Variants in CLASRP observed in about 807,000 individuals in gnomAD.
CLASRP encodes the protein CLK4 associating serine/arginine rich protein.
A neutral mutation model predicts 99.9 loss-of-function variants in CLASRP; 52 were observed. The ratio of observed to expected loss-of-function variants is 0.52; its 90% confidence interval spans 0.42 to 0.66. The LOEUF is 0.66. CLASRP is among the 30% of genes least tolerant of loss of function. CLASRP has a pLI of 0.00. For missense variants in CLASRP, 848 were observed against 999.2 expected, an observed-to-expected ratio of 0.85 and a Z score of 2.04; for synonymous variants, 379 against 373.0, an observed-to-expected ratio of 1.02 and a Z score of -0.18.
In CLASRP at chr19:45,067,483, G is replaced by A; in HGVS notation, c.1556G>A (p.Ser519Asn). ...AGCCGCAGCCATAGCCCCAGCCCCAGCCAGAGCCGCAGCCGCAGCCGCAGC... is the reference window on the plus strand; with the variant it reads ...AGCCGCAGCCATAGCCCCAGCCCCAACCAGAGCCGCAGCCGCAGCCGCAGC... The part of the protein sequence containing the change: ...TRSRSHSPSP[S>N]QSRSRSRSRS... Residue 519 changes from serine to asparagine, a missense_variant, in exon 14 of 21, where the codon AGC becomes AAC. Around this residue, in one of 8 missense-constraint regions of CLASRP, gnomAD observed 489 missense variants for 434.7 expected, o/e 1.12. Transcript: ENST00000221455. This position sits in a 1 kb window ranked among gnomAD's most constrained non-coding sequence, Gnocchi z 4.9. 6.4e-7 allele frequency: 1 copy of A among 1,569,648 alleles called. No homozygotes were observed. Among genetic ancestry groups the A allele is most frequent in the Non-Finnish European group, 8.6e-7 (1 of 1,163,076 alleles).
Position 45,052,790 on chromosome 19 carries a change from G to T in CLASRP, c.198-1G>T. On this transcript the variant is annotated splice_acceptor_variant, in intron 3 of 20. Coordinates refer to ENST00000221455, the MANE Select transcript of CLASRP (RefSeq NM_007056.3). LOFTEE classifies it high-confidence loss of function. ...GCTTTCTTGCTCCCCTCCCACTTCA[G>T]GATGCCCTGGCAGGGGGACACCAAC... is the stretch of plus-strand genomic sequence containing the variant. The T allele has an allele frequency of 6.2e-7, 1 of 1,610,338 alleles. No homozygotes were observed. The highest frequency in any genetic ancestry group is 8.5e-7 in the Non-Finnish European group (1 of 1,178,052).
chr19:45,060,150 C>T lies in CLASRP; in HGVS notation c.711-239C>T, dbSNP rs1419658879. The stretch of plus-strand genomic sequence containing the variant: ...TATTCCCTTGCTCATTATCTTCTCC[C>T]CTAGAATGTAAGCCCGTGCAGGTGA... On this transcript the variant is annotated intron_variant, in intron 8 of 20. Transcript: ENST00000221455. This position sits in a 1 kb window ranked among gnomAD's most constrained non-coding sequence, Gnocchi z 4.6. Among the ~76,000 whole-genome samples the T allele has an allele frequency of 6.6e-6, 1 of 152,140 alleles. No homozygotes were observed. The highest frequency in any genetic ancestry group is 1.9e-4 in the East Asian group (1 of 5,194).
chr19:45,063,436 C>CTTTTT lies in CLASRP; in HGVS notation c.906-553_906-549dup, dbSNP rs565600159. ...GTGTTTTGTACAGAGATCTGCTTAT[C>CTTTTT]TTTTTTTTTTTTTTTTTTTTTTTTT... On this transcript the variant is annotated intron_variant, in intron 11 of 20. Transcript: ENST00000221455. Among the ~76,000 whole-genome samples, 74 of 42,382 alleles carry CTTTTT rather than the reference C, an allele frequency of 1.7e-3. 18 individuals carry two copies. Among genetic ancestry groups the CTTTTT allele is most frequent in the East Asian group, 3.7e-3 (4 of 1,092 alleles). The allele number at this position is 42,382 out of a possible 152,430, so 27.8% of individuals were successfully genotyped here.
At chr19:45,053,473 T>A (rs1165477099) in intron 5 of CLASRP, among the ~76,000 whole-genome samples, 1 of 152,152 alleles carries the variant, frequency 6.6e-6, no homozygotes, top group Non-Finnish European at 1.5e-5. Context: ...AATATGTTTT[T>A]ATTTTTATTT....
At chr19:45,058,803 C>T (rs1972169861) in intron 7 of CLASRP, among the ~76,000 whole-genome samples, 1 of 152,004 alleles carries the variant, frequency 6.6e-6, no homozygotes, top group South Asian at 2.1e-4. Flanking sequence ...ACCCTGCCTG[C>T]CACCCACCGT....
chr19:45,058,876 C>T (rs1437584395), intron 7 of CLASRP, among the ~76,000 whole-genome samples: 2 of 151,938 alleles, frequency 1.3e-5, no homozygotes, highest in Non-Finnish European at 2.9e-5. Context: ...CCCCACCACA[C>T]GCCTCACTCA....
chr19:45,062,441 G>A (rs1332254460), intron 11 of CLASRP, among the ~76,000 whole-genome samples: 12 of 152,256 alleles, frequency 7.9e-5, no homozygotes, highest in Non-Finnish European at 1.6e-4. Context: ...GCAGTGGCAC[G>A]ATCTTGGCTC....
chr19:45,060,647 C>T lies in CLASRP; in HGVS notation c.863+20C>T, dbSNP rs1966919333. Reference sequence around the variant, plus strand: ...ACCCAGGTAGGGCTTCTCCCTGAACCCCCACCCTGCTGGCATCTGGGGGAG... The same window carrying T: ...ACCCAGGTAGGGCTTCTCCCTGAACTCCCACCCTGCTGGCATCTGGGGGAG... On this transcript the variant is annotated intron_variant, in intron 10 of 20. Coordinates refer to ENST00000221455, the MANE Select transcript of CLASRP (RefSeq NM_007056.3). The surrounding 1 kb of genome is among the most constrained non-coding windows in gnomAD (Gnocchi z 4.6). 1.3e-6 allele frequency: 2 copies of T among 1,549,844 alleles called. No homozygotes were observed. Among genetic ancestry groups the T allele is most frequent in the Non-Finnish European group, 1.7e-6 (2 of 1,144,352 alleles).
intron 2 of CLASRP, among the ~76,000 whole-genome samples, chr19:45,046,618 G>A (rs1246497321): frequency 2.0e-5 from 3 of 152,186 alleles, no homozygotes; most frequent in Admixed American, 1.3e-4. Flanking sequence ...CTCAGTTACT[G>A]CCATACCCTA....
chr19:45,042,369 G>T (rs900429751), intron 2 of CLASRP, among the ~76,000 whole-genome samples: 2 of 152,108 alleles, frequency 1.3e-5, no homozygotes, highest in South Asian at 2.1e-4. Context: ...CAGGGAAGAG[G>T]CTGGGGCAGT....
chr19:45,044,106 T>A (rs1299032258), intron 2 of CLASRP, among the ~76,000 whole-genome samples: 1 of 152,168 alleles, frequency 6.6e-6, no homozygotes, highest in African/African-American at 2.4e-5. Flanking sequence ...GGTCTCAAAC[T>A]CCTGACTGCA....
At chr19:45,041,024 C>T (rs960317385) in intron 2 of CLASRP, among the ~76,000 whole-genome samples, 1 of 151,818 alleles carries the variant, frequency 6.6e-6, no homozygotes, top group African/African-American at 2.4e-5. Flanking sequence ...AGATCGAGAC[C>T]GTCCTGGCTA....
In CLASRP at chr19:45,064,398, C is replaced by T. The variant is rs765994448; in HGVS notation, c.1177C>T (p.Arg393Cys). Reference protein sequence around the residue: ...SSSASRTSSSRSSSRSSSRSR... With the variant: ...SSSASRTSSSCSSSRSSSRSR... ...TTCTGCCTCGAGGACCTCCAGCTCC[C>T]GCTCCAGCTCTCGCTCCAGCTCCCG... The change falls in exon 13 of 21, where the codon CGC (arginine) becomes TGC (cysteine). Residue 393 changes from arginine to cysteine, a missense_variant. This residue lies in a region of CLASRP where 489 missense variants were observed against 434.7 expected (regional missense o/e 1.12). Coordinates refer to ENST00000221455, the MANE Select transcript of CLASRP (RefSeq NM_007056.3). 36 of 1,529,866 alleles carry T rather than the reference C, an allele frequency of 2.4e-5. No individual in the cohort carries two copies. The highest frequency in any genetic ancestry group is 2.7e-5 in the Non-Finnish European group (31 of 1,141,062). 94.8% of individuals were successfully genotyped at this position (1,529,866 alleles called of 1,614,324 possible). A position where few individuals can be genotyped will look rare whatever the true frequency, so the allele number is the denominator to read the frequency against.
At chr19:45,059,902 C>T (rs981975262) in intron 8 of CLASRP, among the ~76,000 whole-genome samples, 5 of 152,146 alleles carry the variant, frequency 3.3e-5, no homozygotes, top group African/African-American at 1.2e-4. Flanking sequence ...CTCTCAACCG[C>T]CACCATCCCC....
chr19:45,060,524 CT>C lies in CLASRP; in HGVS notation c.790-29del. On this transcript the variant is annotated intron_variant, in intron 9 of 20. Transcript: ENST00000221455. This position sits in a 1 kb window ranked among gnomAD's most constrained non-coding sequence, Gnocchi z 4.6. ...GGGTGTGTCACAGGGAGGGCACCCC[CT>C]CACCAACCTGGCACCCACCCTACTC... The C allele has an allele frequency of 6.2e-7, 1 of 1,613,600 alleles. No homozygotes were observed. Among genetic ancestry groups the C allele is most frequent in the South Asian group, 1.1e-5 (1 of 91,072 alleles).
chr19:45,056,335 C>T (rs1169844615), intron 5 of CLASRP, 115 bp from the exon 6 acceptor site: 1 of 826,732 alleles, frequency 1.2e-6, no homozygotes, highest in East Asian at 2.4e-5. Flanking sequence ...GTGACTGCCC[C>T]CCAAGGTGCA....
At position 45,052,783 on chromosome 19, in the gene CLASRP, C is replaced by T. The variant is rs752251799; in HGVS notation, c.198-8C>T. 8.7e-6 allele frequency: 14 copies of T among 1,607,272 alleles called. No individual in the cohort carries two copies. The South Asian group carries it at 1.1e-4, about 13-fold the overall frequency. On this transcript the variant is annotated splice_polypyrimidine_tract_variant and splice_region_variant and intron_variant, in intron 3 of 20. Coordinates refer to ENST00000221455, the MANE Select transcript of CLASRP (RefSeq NM_007056.3). The stretch of plus-strand genomic sequence containing the variant: ...GGTTCTTGCTTTCTTGCTCCCCTCC[C>T]ACTTCAGGATGCCCTGGCAGGGGGA...
chr19:45,053,906 A>C lies in CLASRP; in HGVS notation c.379+729A>C, dbSNP rs184968035. On this transcript the variant is annotated intron_variant, in intron 5 of 20. Transcript: ENST00000221455. The stretch of plus-strand genomic sequence containing the variant: ...AAATTGCTGGGATTATAGACATGAA[A>C]CACTATGCCCAGCCAGGAACAGATT... Among the ~76,000 whole-genome samples, 567 of 152,190 alleles carry C rather than the reference A, an allele frequency of 3.7e-3. 2 individuals are homozygous for C. The highest frequency in any genetic ancestry group is 0.013 in the African/African-American group (539 of 41,534).
intron 16 of CLASRP, 90 bp from the exon 17 acceptor site, chr19:45,068,976 C>T (rs1380679143): frequency 7.5e-6 from 9 of 1,199,294 alleles, no homozygotes; most frequent in African/African-American, 4.7e-5. Context: ...GGCGACAGAG[C>T]GAGACTCTGT....
Sources: allele counts gnomAD v4.1 joint callset (sites outside exome capture counted in the v4.1 genomes callset), GRCh38; gene constraint gnomAD v4.1.1; regional missense constraint gnomAD v4.1.1; non-coding constraint Gnocchi (gnomAD v3.1); transcripts MANE v1.5; gene names NCBI Gene and HGNC (gene_info 2026-07-23, HGNC 2026-07-21).